The following RBFOX3 variants were observed in gnomAD, a reference collection of about 807,000 sequenced individuals.
The protein encoded by RBFOX3 is RNA binding protein fox-1 homolog 3.
A neutral mutation model predicts 48.7 loss-of-function variants in RBFOX3; 17 were observed. That is an observed-to-expected ratio of 0.35 (90% CI 0.24 to 0.52). RBFOX3 has a LOEUF of 0.52. Ranked by LOEUF, RBFOX3 falls within the 20% of genes least tolerant of loss-of-function variation. The pLI, the probability that RBFOX3 is intolerant of heterozygous loss-of-function variation, is 0.94. For synonymous variants in RBFOX3, 212 were observed against 209.5 expected (o/e 1.01, Z -0.10); for missense variants, 382 against 497.5 (o/e 0.77, Z 2.21).
intron 4 of RBFOX3, among the ~76,000 whole-genome samples, chr17:79,222,583 G>A (rs965386371): frequency 6.6e-5 from 10 of 152,180 alleles, no homozygotes; most frequent in Non-Finnish European, 1.5e-4. Context: ...ATGTCCTCTC[G>A]CACGTGTCCA....
chr17:79,286,660 C>T (rs932027311), intron 3 of RBFOX3, among the ~76,000 whole-genome samples: 1 of 152,194 alleles, frequency 6.6e-6, no homozygotes, highest in Non-Finnish European at 1.5e-5. Flanking sequence ...TTTTGTTAAC[C>T]CCCTACTGGG....
At chr17:79,376,893 G>A (rs754256421) in intron 2 of RBFOX3, among the ~76,000 whole-genome samples, 2 of 152,088 alleles carry the variant, frequency 1.3e-5, no homozygotes, top group Non-Finnish European at 2.9e-5. Context: ...GTGGGAGGTT[G>A]GGAAGCCCCC....
intron 2 of RBFOX3, among the ~76,000 whole-genome samples, chr17:79,354,795 T>C (rs2084651858): frequency 1.3e-5 from 2 of 152,228 alleles, no homozygotes; most frequent in Admixed American, 6.5e-5. Flanking sequence ...TTTCCATATT[T>C]CACGATTAAT....
chr17:79,305,221 G>C (rs36065490), intron 3 of RBFOX3, among the ~76,000 whole-genome samples: 4 of 151,546 alleles, frequency 2.6e-5, no homozygotes, highest in Non-Finnish European at 5.9e-5. Flanking sequence ...TTGCCTGTGT[G>C]GGGGGGAAAG....
intron 2 of RBFOX3, among the ~76,000 whole-genome samples, chr17:79,378,245 C>T (rs2059459566): frequency 6.6e-6 from 1 of 152,140 alleles, no homozygotes; most frequent in African/African-American, 2.4e-5. Context: ...AAGAACTGAG[C>T]CTCTCCCACT....
intron 1 of RBFOX3, among the ~76,000 whole-genome samples, chr17:79,492,490 G>A (rs1167296124): frequency 1.3e-5 from 2 of 152,242 alleles, no homozygotes; most frequent in African/African-American, 2.4e-5. Flanking sequence ...ACCTGGAGAG[G>A]AACTGGGGCC....
rs552513604 is a variant in RBFOX3, at chr17:79,187,486, CA to C, written c.-34+48279del. Reference sequence around the variant, plus strand: ...AAATACATCGTGCTTTCCGCAGAGCCAGACCTTCCTGCCCCAGCCCTGGGGT... The same window carrying C: ...AAATACATCGTGCTTTCCGCAGAGCCGACCTTCCTGCCCCAGCCCTGGGGT... On this transcript the variant is annotated intron_variant, in intron 4 of 14. Transcript: ENST00000693108. 1.6e-3 allele frequency among the ~76,000 whole-genome samples: 247 copies of C among 152,280 alleles called. 2 individuals are homozygous for C. Among genetic ancestry groups the C allele is most frequent in the African/African-American group, 5.2e-3 (215 of 41,562 alleles).
the RBFOX3 span, among the ~76,000 whole-genome samples, chr17:79,662,653 G>C: frequency 1.7e-4 from 26 of 152,248 alleles, no homozygotes; most frequent in African/African-American, 6.3e-4. Flanking sequence ...ATTCTAACAC[G>C]CAGTCGGGGT....
At chr17:79,566,743 C>T (rs931225372) in intron 1 of RBFOX3, among the ~76,000 whole-genome samples, 2 of 152,310 alleles carry the variant, frequency 1.3e-5, no homozygotes, top group South Asian at 2.1e-4. Context: ...TGTTCATAAC[C>T]AGTATCTGTG....
chr17:79,188,308 C>A (rs2053818747), intron 4 of RBFOX3, among the ~76,000 whole-genome samples: 1 of 152,260 alleles, frequency 6.6e-6, no homozygotes, highest in Non-Finnish European at 1.5e-5. Flanking sequence ...CAGCACTCAC[C>A]TTCCGGCTCA....
Position 79,422,244 on chromosome 17 carries a change from CTGGCCCCCG to C in RBFOX3, c.-175+60201_-175+60209del, listed in dbSNP as rs569440705. ...AGTTGGGACGGGCACGCGGGGAGGGCTGGCCCCCGACAGCGGCAGCACAGCCTCGTCTTC... is the reference window on the plus strand; with the variant it reads ...AGTTGGGACGGGCACGCGGGGAGGGCACAGCGGCAGCACAGCCTCGTCTTC... On this transcript the variant is annotated intron_variant, in intron 2 of 14. Coordinates refer to ENST00000693108, the MANE Select transcript of RBFOX3 (RefSeq NM_001350451.2). 2.1e-3 allele frequency among the ~76,000 whole-genome samples: 326 copies of C among 152,188 alleles called. 2 individuals are homozygous for C. The highest frequency in any genetic ancestry group is 7.6e-3 in the African/African-American group (317 of 41,516).
At chr17:79,610,688 G>A (rs1244925855) in intron 1 of RBFOX3, among the ~76,000 whole-genome samples, 138 bp downstream of exon 1, 1 of 151,922 alleles carries the variant, frequency 6.6e-6, no homozygotes, top group Non-Finnish European at 1.5e-5. Flanking sequence ...CCTCGGGTCA[G>A]CCCCGGCCGC....
intron 1 of RBFOX3, among the ~76,000 whole-genome samples, chr17:79,595,893 T>C (rs2093556963): frequency 6.6e-6 from 1 of 152,234 alleles, no homozygotes; most frequent in Non-Finnish European, 1.5e-5. Context: ...GAATTATCCA[T>C]TCCACTTCTG....
chr17:79,145,551 C>A (rs1318093685), intron 4 of RBFOX3, among the ~76,000 whole-genome samples: 1 of 152,232 alleles, frequency 6.6e-6, no homozygotes, highest in East Asian at 1.9e-4. Context: ...CCAGCCCAGT[C>A]GGCTCTGAGA....
chr17:79,124,685 T>C (rs1380043947), intron 4 of RBFOX3, among the ~76,000 whole-genome samples: 1 of 152,196 alleles, frequency 6.6e-6, no homozygotes, highest in African/African-American at 2.4e-5. Flanking sequence ...GCTGGCCTTG[T>C]AGGCAGGGCC....
chr17:79,637,309 C>A, the RBFOX3 span, among the ~76,000 whole-genome samples: 1 of 152,132 alleles, frequency 6.6e-6, no homozygotes, highest in African/African-American at 2.4e-5. Flanking sequence ...AAGAACCTAA[C>A]ACATATACAG....
intron 4 of RBFOX3, among the ~76,000 whole-genome samples, chr17:79,172,558 G>A (rs540162452): frequency 9.8e-5 from 15 of 152,326 alleles, no homozygotes; most frequent in Admixed American, 4.6e-4. Context: ...CAAGGGAGGC[G>A]GCTTGGGGAG....
intron 3 of RBFOX3, among the ~76,000 whole-genome samples, chr17:79,251,418 C>T (rs1190420434): frequency 6.6e-6 from 1 of 152,204 alleles, no homozygotes; most frequent in Non-Finnish European, 1.5e-5. Context: ...CCCAAACTCA[C>T]TGAAATTGAT....
At chr17:79,114,822 G>T (rs1009305762) in intron 5 of RBFOX3, among the ~76,000 whole-genome samples, 2 of 152,192 alleles carry the variant, frequency 1.3e-5, no homozygotes, top group Admixed American at 1.3e-4. Flanking sequence ...CTGGGGCTCT[G>T]GGGGGTGGGT....
Sources: allele counts gnomAD v4.1 joint callset (sites outside exome capture counted in the v4.1 genomes callset), GRCh38; gene constraint gnomAD v4.1.1; transcripts MANE v1.5; gene names NCBI Gene and HGNC (gene_info 2026-07-23, HGNC 2026-07-21).